Variants in SGCZ observed in about 807,000 individuals in gnomAD.
The protein encoded by SGCZ is zeta-sarcoglycan.
Under a neutral mutation model 41.3 loss-of-function variants are expected in SGCZ, and 40 were observed. The ratio of observed to expected loss-of-function variants is 0.97; its 90% confidence interval spans 0.75 to 1.26. SGCZ has a LOEUF of 1.26. Ranked by LOEUF, SGCZ falls within the 50% of genes most tolerant of loss-of-function variation. The pLI is 0.00. For synonymous variants in SGCZ, 206 were observed against 137.5 expected (o/e 1.50, Z -3.49); for missense variants, 552 against 369.8 (o/e 1.49, Z -4.04).
chr8:14,473,106 C>A (rs1163452016), intron 2 of SGCZ, among the ~76,000 whole-genome samples: 1 of 152,126 alleles, frequency 6.6e-6, no homozygotes, highest in African/African-American at 2.4e-5. Flanking sequence ...AACTGGGTCA[C>A]TGAACATTAA....
At chr8:14,878,990 A>C (rs944036754) in intron 1 of SGCZ, 2 of 152,100 alleles carry the variant, frequency 1.3e-5, no homozygotes, top group African/African-American at 4.8e-5. Flanking sequence ...TCATACTTGT[A>C]ATCAAGAAGT....
intron 2 of SGCZ, among the ~76,000 whole-genome samples, chr8:14,365,470 G>A (rs1401431632): frequency 1.3e-5 from 2 of 151,978 alleles, no homozygotes; most frequent in Admixed American, 1.3e-4. Context: ...AACATATTGT[G>A]TACAGTTTTG....
At chr8:14,259,812 A>G (rs1194625723) in intron 3 of SGCZ, among the ~76,000 whole-genome samples, 4 of 150,734 alleles carry the variant, frequency 2.7e-5, no homozygotes, top group East Asian at 1.9e-4. Context: ...TTGGTTCCAT[A>G]TGAACTTTAA....
At chr8:14,642,268 C>T (rs1352556105) in intron 1 of SGCZ, among the ~76,000 whole-genome samples, 1 of 151,550 alleles carries the variant, frequency 6.6e-6, no homozygotes, top group Non-Finnish European at 1.5e-5. Flanking sequence ...ATAATTGTAA[C>T]AATATCATTA....
At chr8:15,045,602 A>T (rs1804273896) in intron 1 of SGCZ, among the ~76,000 whole-genome samples, 1 of 152,112 alleles carries the variant, frequency 6.6e-6, no homozygotes, top group South Asian at 2.1e-4. Context: ...CTTATTATTT[A>T]TGCCAGCAAA....
intron 1 of SGCZ, among the ~76,000 whole-genome samples, chr8:14,791,206 T>C (rs1398105210): frequency 6.6e-6 from 1 of 152,110 alleles, no homozygotes; most frequent in Non-Finnish European, 1.5e-5. Context: ...TTCCAAAATC[T>C]AACTCTAATA....
intron 7 of SGCZ, among the ~76,000 whole-genome samples, chr8:14,094,056 C>A (rs1420999683): frequency 1.3e-5 from 2 of 152,042 alleles, no homozygotes; most frequent in African/African-American, 4.8e-5. Context: ...AAGTTACAAA[C>A]CCACCTCCCA....
At chr8:14,871,816 A>ACG (rs1304082194) in intron 1 of SGCZ, among the ~76,000 whole-genome samples, 34 of 149,010 alleles carry the variant, frequency 2.3e-4, no homozygotes, top group African/African-American at 8.4e-4. Context: ...AATGTATAAT[A>ACG]TGTGTGTGTA....
chr8:14,920,005 A>G (rs1799545679), intron 1 of SGCZ, among the ~76,000 whole-genome samples: 2 of 152,176 alleles, frequency 1.3e-5, no homozygotes, highest in South Asian at 2.1e-4. Flanking sequence ...CAGGCTCACC[A>G]TACTCCTTTT....
chr8:14,823,934 G>A (rs903726046), intron 1 of SGCZ, among the ~76,000 whole-genome samples: 1 of 151,932 alleles, frequency 6.6e-6, no homozygotes, highest in African/African-American at 2.4e-5. Context: ...CAACAACATG[G>A]ATGAACACAG....
chr8:15,046,065 A>G (rs145331395), intron 1 of SGCZ, among the ~76,000 whole-genome samples: 20 of 152,238 alleles, frequency 1.3e-4, no homozygotes, highest in Middle Eastern at 3.4e-3. Context: ...GTACATTTAC[A>G]TACATTGAAG....
At chr8:14,426,365 C>T (rs981464575) in intron 2 of SGCZ, among the ~76,000 whole-genome samples, 2 of 151,882 alleles carry the variant, frequency 1.3e-5, no homozygotes, top group Non-Finnish European at 2.9e-5. Flanking sequence ...GAGTATTTCC[C>T]CTCCCCCAAT....
intron 1 of SGCZ, among the ~76,000 whole-genome samples, chr8:15,084,218 G>T (rs953687176): frequency 3.3e-5 from 5 of 152,066 alleles, no homozygotes; most frequent in Admixed American, 3.3e-4. Context: ...ACTGTTCTAT[G>T]TCCTTTATAG....
chr8:14,230,941 A>G (rs1288407176), intron 4 of SGCZ, among the ~76,000 whole-genome samples: 1 of 152,070 alleles, frequency 6.6e-6, no homozygotes, highest in East Asian at 1.9e-4. Flanking sequence ...GGTTGTACAA[A>G]TTGCATACAT....
At chr8:14,248,279 TA>T (rs1799174769) in intron 3 of SGCZ, among the ~76,000 whole-genome samples, 1 of 152,176 alleles carries the variant, frequency 6.6e-6, no homozygotes, top group Non-Finnish European at 1.5e-5. Context: ...ATGAGTTACA[TA>T]AAAAGCTTGT....
chr8:14,528,284 T>C (rs529532137), intron 2 of SGCZ, among the ~76,000 whole-genome samples: 3 of 152,204 alleles, frequency 2.0e-5, no homozygotes, highest in Admixed American at 2.0e-4. Flanking sequence ...AAGTTACACA[T>C]GAATTATACC....
chr8:14,667,942 A>T (rs1170377795), intron 1 of SGCZ, among the ~76,000 whole-genome samples: 1 of 152,146 alleles, frequency 6.6e-6, no homozygotes, highest in Non-Finnish European at 1.5e-5. Context: ...ACCATGATCC[A>T]CCAAGCAACC....
intron 1 of SGCZ, among the ~76,000 whole-genome samples, chr8:14,949,720 T>C (rs887196583): frequency 6.6e-6 from 1 of 152,128 alleles, no homozygotes; most frequent in African/African-American, 2.4e-5. Context: ...CTCTACTCAA[T>C]GTTTTAACAA....
intron 2 of SGCZ, among the ~76,000 whole-genome samples, chr8:14,476,474 T>A (rs1801364726): frequency 6.6e-6 from 1 of 152,010 alleles, no homozygotes; most frequent in Non-Finnish European, 1.5e-5. Context: ...GTATATAATT[T>A]ATTATAATAA....
Sources: allele counts gnomAD v4.1 joint callset (sites outside exome capture counted in the v4.1 genomes callset), GRCh38; gene constraint gnomAD v4.1.1; transcripts MANE v1.5; gene names NCBI Gene and HGNC (gene_info 2026-07-23, HGNC 2026-07-21).